The following MBNL2 variants were observed in gnomAD, a reference collection of about 807,000 sequenced individuals.
MBNL2 encodes the protein muscleblind like splicing regulator 2, also known as muscleblind-like protein 2.
MBNL2 carries 17 observed loss-of-function variants against 41.9 expected under a neutral mutation model. The ratio of observed to expected loss-of-function variants is 0.41; its 90% confidence interval spans 0.28 to 0.61. The LOEUF (loss-of-function observed/expected upper bound fraction) is 0.61, where lower values mean the gene tolerates loss of function less well. Among genes scored for constraint, MBNL2 ranks in the 20% least tolerant of loss-of-function variants. MBNL2 has a pLI of 0.35. For missense variants in MBNL2, 336 were observed against 505.6 expected (o/e 0.66, Z 3.22); for synonymous variants, 195 against 182.9 (o/e 1.07, Z -0.53).
At chr13:97,294,508 C>A (rs968191191) in intron 2 of MBNL2, among the ~76,000 whole-genome samples, 1 of 152,202 alleles carries the variant, frequency 6.6e-6, no homozygotes, top group Non-Finnish European at 1.5e-5. Flanking sequence ...ATTTAGCTAA[C>A]TGGGAAGACA....
the MBNL2 span, among the ~76,000 whole-genome samples, chr13:97,171,896 CTT>C: frequency 6.6e-6 from 1 of 152,258 alleles, no homozygotes; most frequent in South Asian, 2.1e-4. Flanking sequence ...AGGGGAAACT[CTT>C]TTTGCTCGGC....
rs11423615 is a variant in MBNL2, at chr13:97,287,918, G to GTTTT, written c.174+11516_174+11519dup. On this transcript the variant is annotated intron_variant, in intron 2 of 8. Coordinates refer to ENST00000679496, the MANE Select transcript of MBNL2 (RefSeq NM_001382683.1). Reference sequence around the variant, plus strand: ...TGCCACCAGGCCCGGCTAATTTTCTGTTTTTTTTTTGTTTTGTTTTGTTTT... The same window carrying GTTTT: ...TGCCACCAGGCCCGGCTAATTTTCTGTTTTTTTTTTTTTTGTTTTGTTTTGTTTT... Among the ~76,000 whole-genome samples the GTTTT allele has an allele frequency of 1.4e-4, 17 of 124,626 alleles. 1 individual carries two copies. The highest frequency in any genetic ancestry group is 5.6e-4 in the African/African-American group (16 of 28,782). The allele number at this position is 124,626 out of a possible 152,430, so 81.8% of individuals were successfully genotyped here.
At chr13:97,213,004 A>G in the MBNL2 span, among the ~76,000 whole-genome samples, 1 of 152,180 alleles carries the variant, frequency 6.6e-6, no homozygotes, top group Non-Finnish European at 1.5e-5. Flanking sequence ...CTGAGGAGAA[A>G]GGCTACTGTG....
chr13:97,262,936 G>C (rs2048924518), intron 1 of MBNL2, among the ~76,000 whole-genome samples: 1 of 151,950 alleles, frequency 6.6e-6, no homozygotes, highest in South Asian at 2.1e-4. Flanking sequence ...GCTAATTTTT[G>C]CTTCTTTTAA....
chr13:97,281,484 C>T (rs2053420756), intron 2 of MBNL2, among the ~76,000 whole-genome samples: 1 of 152,174 alleles, frequency 6.6e-6, no homozygotes, highest in African/African-American at 2.4e-5. Context: ...TTTCTACCCT[C>T]CTTGTCTGTC....
chr13:97,260,585 C>G (rs2048427614), intron 1 of MBNL2, among the ~76,000 whole-genome samples: 1 of 152,094 alleles, frequency 6.6e-6, no homozygotes, highest in South Asian at 2.1e-4. Context: ...GACTCTGGCG[C>G]CGTTAGGAAT....
intron 8 of MBNL2, among the ~76,000 whole-genome samples, chr13:97,365,458 G>GTATA (rs2063773137): frequency 6.6e-6 from 1 of 152,066 alleles, no homozygotes; most frequent in Non-Finnish European, 1.5e-5. Context: ...AGTTTATATG[G>GTATA]TATAGCGTAA....
At chr13:97,217,427 T>C (rs1332405965), upstream of MBNL2, among the ~76,000 whole-genome samples, 1 of 152,140 alleles carries the variant, frequency 6.6e-6, no homozygotes, top group Admixed American at 6.5e-5. Flanking sequence ...CTGTGACAAT[T>C]GCTACGATGA....
the MBNL2 span, among the ~76,000 whole-genome samples, chr13:97,159,999 C>A: frequency 6.6e-5 from 10 of 152,168 alleles, no homozygotes; most frequent in South Asian, 2.1e-3. Context: ...TGTTTTCCAA[C>A]TTCGTTCCAT....
chr13:97,156,504 T>C, the MBNL2 span, among the ~76,000 whole-genome samples: 5 of 135,316 alleles, frequency 3.7e-5, no homozygotes, highest in Admixed American at 2.3e-4. Flanking sequence ...GCCTAGGTTT[T>C]CTTCTAGGGT....
chr13:97,359,570 C>T (rs1297243510), intron 7 of MBNL2, among the ~76,000 whole-genome samples: 5 of 152,180 alleles, frequency 3.3e-5, no homozygotes, highest in Non-Finnish European at 5.9e-5. Context: ...CCTTACGCAA[C>T]GACCTGATTT....
chr13:97,339,637 G>T (rs1032529149), intron 3 of MBNL2, among the ~76,000 whole-genome samples: 2 of 151,982 alleles, frequency 1.3e-5, no homozygotes, highest in African/African-American at 2.4e-5. Context: ...TTTCTCAGCC[G>T]CCAGCTGAGA....
the MBNL2 span, among the ~76,000 whole-genome samples, chr13:97,160,965 G>C: frequency 5.9e-5 from 9 of 152,092 alleles, no homozygotes; most frequent in African/African-American, 1.9e-4. Flanking sequence ...AATTTTCTGT[G>C]GTTTTTTGAA....
intron 2 of MBNL2, among the ~76,000 whole-genome samples, chr13:97,288,980 T>C (rs2055238761): frequency 6.6e-6 from 1 of 152,188 alleles, no homozygotes; most frequent in Non-Finnish European, 1.5e-5. Flanking sequence ...CTGTAGAACA[T>C]GATATATTGC....
At chr13:97,228,024 T>C (rs2041891945) in intron 1 of MBNL2, among the ~76,000 whole-genome samples, 1 of 152,174 alleles carries the variant, frequency 6.6e-6, no homozygotes, top group Admixed American at 6.5e-5. Context: ...CATTCAATTT[T>C]CCCATGAGAG....
chr13:97,361,637 A>G (rs1173371750), intron 7 of MBNL2, among the ~76,000 whole-genome samples: 1 of 152,156 alleles, frequency 6.6e-6, no homozygotes, highest in Non-Finnish European at 1.5e-5. Context: ...GTGTGGCTAC[A>G]GGAGCTGTGG....
the MBNL2 span, among the ~76,000 whole-genome samples, chr13:97,158,958 T>G: frequency 3.3e-5 from 5 of 150,842 alleles, no homozygotes; most frequent in Admixed American, 3.3e-4. Flanking sequence ...CCTTGTTGAC[T>G]TTCTGTCTCA....
At chr13:97,149,014 A>G in the MBNL2 span, among the ~76,000 whole-genome samples, 1 of 152,170 alleles carries the variant, frequency 6.6e-6, no homozygotes, top group Non-Finnish European at 1.5e-5. Context: ...TTTCCACGCA[A>G]TATGTTTGCT....
chr13:97,183,428 G>A, the MBNL2 span, among the ~76,000 whole-genome samples: 14 of 152,094 alleles, frequency 9.2e-5, no homozygotes, highest in African/African-American at 3.4e-4. Context: ...TCCCCTTCTT[G>A]CCTGAAATAC....
Sources: gnomAD v4.1 joint callset for allele counts (sites outside exome capture counted in the v4.1 genomes callset) on GRCh38, gnomAD v4.1.1 for gene constraint, MANE v1.5 for transcripts, NCBI Gene and HGNC (gene_info 2026-07-23, HGNC 2026-07-21) for gene names.